PIK3AP1: variants seen among roughly 807,000 people sequenced by gnomAD.
PIK3AP1 encodes the protein phosphoinositide-3-kinase adaptor protein 1.
PIK3AP1 carries 21 observed loss-of-function variants against 88.1 expected under a neutral mutation model. That is an observed-to-expected ratio of 0.24 (90% CI 0.17 to 0.34). PIK3AP1 has a LOEUF of 0.34. Ranked by LOEUF, PIK3AP1 falls within the 10% of genes least tolerant of loss-of-function variation. The pLI, the probability that PIK3AP1 is intolerant of heterozygous loss-of-function variation, is 1.00. For missense variants in PIK3AP1, 828 were observed against 1,035.7 expected (o/e 0.80, Z 2.75); for synonymous variants, 398 against 400.0 (o/e 1.00, Z 0.06).
intron 2 of PIK3AP1, among the ~76,000 whole-genome samples, chr10:96,663,487 G>A (rs145640113): frequency 3.3e-5 from 5 of 151,662 alleles, no homozygotes; most frequent in African/African-American, 4.8e-5. Context: ...AAAATTAGCC[G>A]GGCATGGTGG....
chr10:96,603,238 T>A (rs1255457925), intron 15 of PIK3AP1, among the ~76,000 whole-genome samples: 13 of 152,252 alleles, frequency 8.5e-5, no homozygotes, highest in Non-Finnish European at 5.9e-5. Flanking sequence ...GTATTTACAA[T>A]GTTGTGCAGC....
intron 4 of PIK3AP1, 89 bp downstream of exon 4, chr10:96,652,609 T>C: frequency 2.0e-6 from 3 of 1,463,472 alleles, no homozygotes; most frequent in Non-Finnish European, 2.8e-6. Flanking sequence ...ATATTTAAGA[T>C]GATAATACCT....
chr10:96,660,181 G>A lies in PIK3AP1; in HGVS notation c.431-3247C>T, dbSNP rs77996006. Among the ~76,000 whole-genome samples the A allele has an allele frequency of 1.6e-3, 248 of 152,140 alleles. No individual in the cohort carries two copies. In the East Asian group the frequency reaches 0.018, roughly 11 times the overall value. On this transcript the variant is annotated intron_variant, in intron 2 of 16. Coordinates refer to ENST00000339364, the MANE Select transcript of PIK3AP1 (RefSeq NM_152309.3). ...TTGTCAAAAGAATGCAGAGATAAGC[G>A]ATCGTCTGGGAGAAAATATTGCAAA...
chr10:96,676,508 G>A (rs1334899957), intron 2 of PIK3AP1, among the ~76,000 whole-genome samples: 1 of 151,882 alleles, frequency 6.6e-6, no homozygotes, highest in Non-Finnish European at 1.5e-5. Context: ...AGGTCTTAGT[G>A]ACAGAAATGA....
intron 3 of PIK3AP1, among the ~76,000 whole-genome samples, chr10:96,655,661 C>T (rs1275654139): frequency 6.6e-6 from 1 of 152,204 alleles, no homozygotes; most frequent in East Asian, 1.9e-4. Flanking sequence ...GGGGGCGGGT[C>T]TTTCCTGTGC....
intron 14 of PIK3AP1, 74 bp downstream of exon 14, chr10:96,609,638 T>C (rs1454679294): frequency 5.3e-6 from 8 of 1,509,478 alleles, no homozygotes; most frequent in Non-Finnish European, 7.2e-6. Context: ...CTTAAGAGGA[T>C]GTTTCCTAAG....
At chr10:96,675,173 G>T (rs1033885726) in intron 2 of PIK3AP1, among the ~76,000 whole-genome samples, 1 of 148,546 alleles carries the variant, frequency 6.7e-6, no homozygotes, top group Non-Finnish European at 1.5e-5. Context: ...GATTACAGGT[G>T]TGAGCCACTG....
chr10:96,688,061 T>C (rs1226280499), intron 2 of PIK3AP1, among the ~76,000 whole-genome samples: 2 of 152,176 alleles, frequency 1.3e-5, no homozygotes, highest in Admixed American at 6.5e-5. Flanking sequence ...GTAAGCACAC[T>C]CTTTCTCTTC....
intron 2 of PIK3AP1, among the ~76,000 whole-genome samples, chr10:96,695,270 A>G (rs1844205337): frequency 6.6e-6 from 1 of 152,168 alleles, no homozygotes; most frequent in Admixed American, 6.5e-5. Flanking sequence ...TGCAACAGAA[A>G]TGTTTTCCCA....
chr10:96,606,564 A>G (rs1187372213), intron 14 of PIK3AP1, among the ~76,000 whole-genome samples: 2 of 152,180 alleles, frequency 1.3e-5, no homozygotes, highest in African/African-American at 4.8e-5. Flanking sequence ...CTGATGACTT[A>G]CTTGCCCAAT....
chr10:96,627,614 C>T (rs1312230636), intron 9 of PIK3AP1, among the ~76,000 whole-genome samples: 1 of 152,176 alleles, frequency 6.6e-6, no homozygotes, highest in Non-Finnish European at 1.5e-5. Flanking sequence ...TGAGTCCCAT[C>T]CTCTTAGCAC....
intron 10 of PIK3AP1, 141 bp downstream of exon 10, chr10:96,626,567 G>T: frequency 3.4e-6 from 3 of 879,310 alleles, no homozygotes; most frequent in Non-Finnish European, 3.4e-6. Flanking sequence ...CCCAAGATAT[G>T]ACCCTGTCTC....
chr10:96,709,793 C>T lies in PIK3AP1; in HGVS notation c.204G>A (p.Val68=), dbSNP rs759373615. 4 of 1,613,502 alleles carry T rather than the reference C, an allele frequency of 2.5e-6. No individual in the cohort carries two copies. Among genetic ancestry groups the T allele is most frequent in the Non-Finnish European group, 3.4e-6 (4 of 1,179,554 alleles). The stretch of plus-strand genomic sequence containing the variant: ...GCACCAGCTCCGCGGACAGCAGCAC[C>T]ACGACACAGCGGGTGCTGAGGAAAA... The part of the protein sequence containing the change: ...LSLFLSTRCV[V]VLLSAELVQH... Residue 68 remains valine (V), a synonymous_variant, in exon 2 of 17, where the codon GTG becomes GTA. Coordinates refer to ENST00000339364, the MANE Select transcript of PIK3AP1 (RefSeq NM_152309.3).
chr10:96,709,442 C>T lies in PIK3AP1; in HGVS notation c.430+125G>A, dbSNP rs1028959480. On this transcript the variant is annotated intron_variant, in intron 2 of 16. Coordinates refer to ENST00000339364, the MANE Select transcript of PIK3AP1 (RefSeq NM_152309.3). The stretch of plus-strand genomic sequence containing the variant: ...CACCCCAGAAATAGGCTGCTCTAAA[C>T]CCATAAATATGACCAGGTCTCTTAA... 62 of 1,221,522 alleles carry T rather than the reference C, an allele frequency of 5.1e-5. 3 individuals are homozygous for T. In the South Asian group the frequency reaches 8.6e-4, roughly 17 times the overall value. The allele number at this position is 1,221,522 out of a possible 1,614,324, so 75.7% of individuals were successfully genotyped here. A position where few individuals can be genotyped will look rare whatever the true frequency, so the allele number is the denominator to read the frequency against.
intron 8 of PIK3AP1, among the ~76,000 whole-genome samples, chr10:96,644,492 ACTT>A (rs1334083879): frequency 6.6e-6 from 1 of 152,188 alleles, no homozygotes; most frequent in African/African-American, 2.4e-5. Context: ...AAGTCACAGA[ACTT>A]CTCTCAACTC....
chr10:96,706,051 G>A (rs1465795491), intron 2 of PIK3AP1, among the ~76,000 whole-genome samples: 3 of 151,456 alleles, frequency 2.0e-5, no homozygotes, highest in African/African-American at 4.8e-5. Flanking sequence ...CCGCCACCTC[G>A]CCCGACTAAT....
At chr10:96,635,511 G>A (rs555594604) in intron 8 of PIK3AP1, among the ~76,000 whole-genome samples, 4 of 152,246 alleles carry the variant, frequency 2.6e-5, no homozygotes, top group Middle Eastern at 3.4e-3. Flanking sequence ...ATGGGCCTCC[G>A]TGCCCCTATT....
chr10:96,611,414 A>T (rs774863542), intron 13 of PIK3AP1, among the ~76,000 whole-genome samples: 3 of 152,178 alleles, frequency 2.0e-5, no homozygotes, highest in Non-Finnish European at 4.4e-5. Context: ...ACAGTATCTT[A>T]GAGACCAAAC....
rs1448749156 is a variant in PIK3AP1, at chr10:96,709,664, G to A, written c.333C>T (p.Phe111=). 6.2e-7 allele frequency: 1 copy of A among 1,614,116 alleles called. No individual in the cohort carries two copies. Among genetic ancestry groups the A allele is most frequent in the Admixed American group, 1.7e-5 (1 of 60,008 alleles). Residue 111 remains phenylalanine (F), a synonymous_variant, in exon 2 of 17, where the codon TTC becomes TTT. Coordinates refer to ENST00000339364, the MANE Select transcript of PIK3AP1 (RefSeq NM_152309.3). ...LLCGVRDSEE[F]LDFFPDWAHW... is the part of the protein sequence containing the mutation. ...GGGCCCAATCTGGAAAGAAGTCTAG[G>A]AACTCCTCGCTGTCCCGCACGCCGC...
Sources: allele counts gnomAD v4.1 joint callset (sites outside exome capture counted in the v4.1 genomes callset), GRCh38; gene constraint gnomAD v4.1.1; transcripts MANE v1.5; gene names NCBI Gene and HGNC (gene_info 2026-07-23, HGNC 2026-07-21).